ATXN7L1: variants seen among roughly 807,000 people sequenced by gnomAD.
The protein encoded by ATXN7L1 is ataxin-7-like protein 1.
ATXN7L1 carries 15 observed loss-of-function variants against 70.8 expected under a neutral mutation model. The observed-to-expected ratio is 0.21, with a 90% CI of 0.14 to 0.33. The LOEUF is 0.33. Ranked by LOEUF, ATXN7L1 falls within the 10% of genes least tolerant of loss-of-function variation. The pLI is 1.00. For missense variants in ATXN7L1, 975 were observed against 1,097.1 expected, an observed-to-expected ratio of 0.89 and a Z score of 1.57; for synonymous variants, 440 against 445.1, an observed-to-expected ratio of 0.99 and a Z score of 0.14.
At chr7:105,871,418 A>G (rs1005337897) in intron 2 of ATXN7L1, among the ~76,000 whole-genome samples, 4 of 152,174 alleles carry the variant, frequency 2.6e-5, no homozygotes, top group African/African-American at 9.7e-5. Flanking sequence ...GACAACATTC[A>G]AAAGTATTTG....
intron 2 of ATXN7L1, among the ~76,000 whole-genome samples, chr7:105,818,185 T>C (rs1194782547): frequency 6.6e-6 from 1 of 152,184 alleles, no homozygotes; most frequent in Middle Eastern, 3.2e-3. Context: ...AATTTTTTTT[T>C]GAGATGGGGG....
At chr7:105,710,561 C>T (rs1199860394) in intron 3 of ATXN7L1, among the ~76,000 whole-genome samples, 1 of 152,028 alleles carries the variant, frequency 6.6e-6, no homozygotes, top group Non-Finnish European at 1.5e-5. Flanking sequence ...GCACCTGCCA[C>T]CACGTCTGGC....
intron 3 of ATXN7L1, among the ~76,000 whole-genome samples, chr7:105,756,701 T>G (rs1054698492): frequency 2.0e-5 from 3 of 152,232 alleles, no homozygotes; most frequent in Non-Finnish European, 2.9e-5. Context: ...CTTTAAGATT[T>G]TTTTTCGTTT....
At chr7:105,760,493 G>A (rs1156848943) in intron 3 of ATXN7L1, 2 of 985,674 alleles carry the variant, frequency 2.0e-6, no homozygotes, top group Non-Finnish European at 2.4e-6. Context: ...TACTGGTGAG[G>A]TATAATTTCT....
chr7:105,674,891 C>T (rs1014714029), intron 3 of ATXN7L1, among the ~76,000 whole-genome samples: 6 of 152,134 alleles, frequency 3.9e-5, no homozygotes, highest in African/African-American at 1.4e-4. Flanking sequence ...CCAGGGATGC[C>T]CTCACAAGAC....
intron 2 of ATXN7L1, among the ~76,000 whole-genome samples, chr7:105,811,001 A>G (rs1269670177): frequency 6.6e-6 from 1 of 152,244 alleles, no homozygotes; most frequent in African/African-American, 2.4e-5. Context: ...TGGAAGAATG[A>G]AGTGGCTATC....
chr7:105,635,627 C>A (rs1353138795), intron 7 of ATXN7L1, among the ~76,000 whole-genome samples: 2 of 152,188 alleles, frequency 1.3e-5, no homozygotes, highest in East Asian at 3.8e-4. Context: ...CCATTCCAAC[C>A]CTTGTTATCT....
chr7:105,733,496 ATCCATCCT>A (rs1178632402), intron 3 of ATXN7L1, among the ~76,000 whole-genome samples: 3 of 145,204 alleles, frequency 2.1e-5, no homozygotes, highest in African/African-American at 7.9e-5. Context: ...CCATCCACCC[ATCCATCCT>A]TCCATCCATC....
intron 3 of ATXN7L1, among the ~76,000 whole-genome samples, chr7:105,725,956 G>A (rs1460233459): frequency 1.4e-5 from 2 of 147,990 alleles, no homozygotes; most frequent in African/African-American, 2.5e-5. Context: ...AGGATGGAGT[G>A]CAATGGCATG....
At chr7:105,818,712 A>G (rs1382808858) in intron 2 of ATXN7L1, among the ~76,000 whole-genome samples, 1 of 152,172 alleles carries the variant, frequency 6.6e-6, no homozygotes. Context: ...TGCAGCACAC[A>G]TTGAAGCTGG....
intron 5 of ATXN7L1, 24 bp downstream of exon 5, chr7:105,642,814 G>T: frequency 6.5e-7 from 1 of 1,542,482 alleles, no homozygotes; most frequent in South Asian, 1.2e-5. Context: ...TCATGAGTCA[G>T]ACCCTGACGA....
intron 7 of ATXN7L1, among the ~76,000 whole-genome samples, chr7:105,634,197 C>T (rs941256123): frequency 3.3e-5 from 5 of 152,112 alleles, no homozygotes; most frequent in African/African-American, 4.8e-5. Context: ...GTTTAGTTGC[C>T]GTTCACTGTT....
intron 4 of ATXN7L1, among the ~76,000 whole-genome samples, chr7:105,646,987 T>A (rs1799142059): frequency 6.6e-6 from 1 of 152,092 alleles, no homozygotes; most frequent in African/African-American, 2.4e-5. Context: ...TCAAAAAGAT[T>A]TATTGATTTA....
chr7:105,709,798 A>G (rs1203610592), intron 3 of ATXN7L1, among the ~76,000 whole-genome samples: 1 of 151,936 alleles, frequency 6.6e-6, no homozygotes, highest in African/African-American at 2.4e-5. Flanking sequence ...AAGTGTGAAT[A>G]ATGAACTATC....
Position 105,648,260 on chromosome 7 carries a change from C to T in ATXN7L1, c.579-5139G>A, listed in dbSNP as rs78417215. Among the ~76,000 whole-genome samples the T allele has an allele frequency of 7.9e-5, 12 of 152,300 alleles. No homozygotes were observed. In the East Asian group the frequency reaches 2.3e-3, roughly 29 times the overall value. On this transcript the variant is annotated intron_variant, in intron 4 of 11. Transcript: ENST00000419735. ...GAAGGAGAAGAACCTAGAGCTGTCC[C>T]TGATACTTTTTTCTTTGGTGTCCCT...
intron 10 of ATXN7L1, chr7:105,613,486 C>G (rs574221725): frequency 1.2e-5 from 13 of 1,113,220 alleles, no homozygotes; most frequent in Non-Finnish European, 1.4e-5. Flanking sequence ...AGCAACAGAA[C>G]TCTTTAATGA....
rs1176504080 is a variant in ATXN7L1, at chr7:105,698,648, G to A, written c.356-33360C>T. Among the ~76,000 whole-genome samples, 5 of 152,142 alleles carry A rather than the reference G, an allele frequency of 3.3e-5. No individual in the cohort carries two copies. In the East Asian group the frequency reaches 5.8e-4, roughly 18 times the overall value. On this transcript the variant is annotated intron_variant, in intron 3 of 11. Transcript: ENST00000419735. Reference sequence around the variant, plus strand: ...GCTGAGATTAAAGGCGTGAGCCACCGTGCTTGGCCATACACCAGATTCTGG... The same window carrying A: ...GCTGAGATTAAAGGCGTGAGCCACCATGCTTGGCCATACACCAGATTCTGG...
intron 3 of ATXN7L1, among the ~76,000 whole-genome samples, chr7:105,750,601 AGACCAGCCT>A (rs1799091141): frequency 1.3e-5 from 2 of 152,126 alleles, no homozygotes; most frequent in Non-Finnish European, 2.9e-5. Flanking sequence ...CAGGCGTTCG[AGACCAGCCT>A]GACCAACATG....
intron 2 of ATXN7L1, among the ~76,000 whole-genome samples, chr7:105,815,306 A>C (rs992163055): frequency 2.0e-5 from 3 of 152,210 alleles, no homozygotes; most frequent in African/African-American, 7.2e-5. Context: ...TGTACACTGC[A>C]GGCTGACTTT....
Sources: allele counts gnomAD v4.1 joint callset (sites outside exome capture counted in the v4.1 genomes callset), GRCh38; gene constraint gnomAD v4.1.1; transcripts MANE v1.5; gene names NCBI Gene and HGNC (gene_info 2026-07-23, HGNC 2026-07-21).